The following NHSL1 variants were observed in gnomAD, a reference collection of about 807,000 sequenced individuals.
NHSL1 encodes the protein NHS like 1, also known as NHS-like protein 1.
NHSL1 carries 48 observed loss-of-function variants against 95.0 expected under a neutral mutation model. That is an observed-to-expected ratio of 0.51 (90% CI 0.40 to 0.64). The LOEUF (loss-of-function observed/expected upper bound fraction) is 0.64, where lower values mean the gene tolerates loss of function less well. NHSL1 is among the 30% of genes least tolerant of loss of function. NHSL1 has a pLI of 0.00. For synonymous variants in NHSL1, 783 were observed against 833.9 expected, an observed-to-expected ratio of 0.94 and a Z score of 1.05; for missense variants, 1,971 against 2,077.7, an observed-to-expected ratio of 0.95 and a Z score of 1.00.
chr6:138,466,456 C>T (rs998835154), intron 3 of NHSL1, among the ~76,000 whole-genome samples: 4 of 152,182 alleles, frequency 2.6e-5, no homozygotes, highest in African/African-American at 7.2e-5. Flanking sequence ...TCCAGAAATG[C>T]TCATTCTTTC....
At chr6:138,452,127 C>G (rs564539182) in intron 3 of NHSL1, among the ~76,000 whole-genome samples, 25 of 152,296 alleles carry the variant, frequency 1.6e-4, no homozygotes, top group Admixed American at 4.6e-4. Context: ...CACCAATACC[C>G]CATATCCTGG....
At chr6:138,557,620 T>C (rs1214194696) in intron 1 of NHSL1, among the ~76,000 whole-genome samples, 1 of 152,204 alleles carries the variant, frequency 6.6e-6, no homozygotes, top group Non-Finnish European at 1.5e-5. Context: ...CATCACCAGG[T>C]CCAATGACTA....
intron 1 of NHSL1, among the ~76,000 whole-genome samples, chr6:138,655,868 A>G (rs1785149807): frequency 1.3e-5 from 2 of 152,144 alleles, no homozygotes; most frequent in African/African-American, 4.8e-5. Flanking sequence ...ATTACTCTCT[A>G]GGGCAGCCGT....
intron 1 of NHSL1, among the ~76,000 whole-genome samples, chr6:138,586,871 G>T (rs1458367462): frequency 6.6e-6 from 1 of 151,876 alleles, no homozygotes; most frequent in African/African-American, 2.4e-5. Context: ...CTGCATCAGT[G>T]CTTTCATTCT....
chr6:138,463,976 C>T (rs578177382), intron 3 of NHSL1: 1 of 244,376 alleles, frequency 4.1e-6, no homozygotes, highest in East Asian at 9.2e-5. Context: ...ACAGAAGTGG[C>T]TTTGGTTCAC....
chr6:138,451,625 T>C (rs1018241280), intron 3 of NHSL1, among the ~76,000 whole-genome samples: 20 of 152,336 alleles, frequency 1.3e-4, no homozygotes, highest in Middle Eastern at 3.4e-3. Flanking sequence ...ATAGAACTTA[T>C]CTCACTTAAT....
chr6:138,639,909 G>A (rs1583462017), intron 1 of NHSL1, among the ~76,000 whole-genome samples: 1 of 118,418 alleles, frequency 8.4e-6, no homozygotes, highest in Non-Finnish European at 1.7e-5. Flanking sequence ...TTTACAAAAT[G>A]CAGCTTTTCT....
In NHSL1 at chr6:138,430,878, C is replaced by T. The variant is rs546542243; in HGVS notation, c.3467G>A (p.Arg1156His). The change falls in exon 6 of 8, where the codon CGT (arginine) becomes CAT (histidine). Residue 1156 changes from arginine to histidine, a missense_variant. Physicochemically the swap from Arg to His is conservative, Grantham distance 29. Transcript: ENST00000343505. The surrounding 1 kb of genome is among the most constrained non-coding windows in gnomAD (Gnocchi z 4.7). ...SQGDHGSAAE[R>H]GGPVSRSPGA... Reference sequence around the variant, plus strand: ...AGGGCTGCGGCTCACAGGGCCACCACGCTCAGCCGCACTGCCATGGTCACC... The same window carrying T: ...AGGGCTGCGGCTCACAGGGCCACCATGCTCAGCCGCACTGCCATGGTCACC... The T allele has an allele frequency of 1.9e-5, 29 of 1,551,310 alleles. No individual in the cohort carries two copies. The African/African-American group carries it at 2.7e-4, about 15-fold the overall frequency.
intron 3 of NHSL1, among the ~76,000 whole-genome samples, chr6:138,456,731 G>A (rs935426190): frequency 6.6e-6 from 1 of 152,082 alleles, no homozygotes; most frequent in Non-Finnish European, 1.5e-5. Flanking sequence ...ACTGATAACT[G>A]ACCTGCCTTC....
chr6:138,667,932 G>A (rs936769594), intron 1 of NHSL1, among the ~76,000 whole-genome samples: 13 of 152,180 alleles, frequency 8.5e-5, no homozygotes, highest in Non-Finnish European at 1.0e-4. Flanking sequence ...TCATAGCTCT[G>A]TAATTTTATA....
chr6:138,543,901 T>C (rs1225187092), intron 1 of NHSL1, among the ~76,000 whole-genome samples: 1 of 152,218 alleles, frequency 6.6e-6, no homozygotes, highest in Non-Finnish European at 1.5e-5. Flanking sequence ...CGATTGTGGA[T>C]TCCTGATTAG....
chr6:138,670,369 G>GT (rs1412048828), intron 1 of NHSL1, among the ~76,000 whole-genome samples: 2 of 139,754 alleles, frequency 1.4e-5, no homozygotes, highest in South Asian at 2.4e-4. Context: ...ACCGTTGAAG[G>GT]TAAAAAAAAA....
At chr6:138,488,431 A>T (rs1211413841) in intron 2 of NHSL1, among the ~76,000 whole-genome samples, 1 of 152,190 alleles carries the variant, frequency 6.6e-6, no homozygotes, top group Non-Finnish European at 1.5e-5. Context: ...ATTAATTTCA[A>T]ATGTTTATCT....
intron 2 of NHSL1, among the ~76,000 whole-genome samples, chr6:138,485,253 G>C (rs1779654426): frequency 6.6e-6 from 1 of 152,260 alleles, no homozygotes; most frequent in Non-Finnish European, 1.5e-5. Flanking sequence ...GCTGCCCTGA[G>C]TGAAATATAG....
intron 3 of NHSL1, among the ~76,000 whole-genome samples, chr6:138,461,662 A>C (rs1778006239): frequency 6.6e-6 from 1 of 152,138 alleles, no homozygotes; most frequent in Non-Finnish European, 1.5e-5. Context: ...GTTTGTTTGG[A>C]GGGGCTTCAA....
chr6:138,627,314 T>C (rs188201887), intron 1 of NHSL1, among the ~76,000 whole-genome samples: 7 of 152,276 alleles, frequency 4.6e-5, no homozygotes, highest in Admixed American at 1.3e-4. Context: ...ACACAAAAAG[T>C]TTTTTTATAT....
At chr6:138,474,369 C>T (rs555472780) in intron 2 of NHSL1, among the ~76,000 whole-genome samples, 1 of 152,288 alleles carries the variant, frequency 6.6e-6, no homozygotes, top group South Asian at 2.1e-4. Context: ...ACTAGGGCAT[C>T]TTCAGAGTTC....
chr6:138,657,433 G>T (rs909695469), intron 1 of NHSL1, among the ~76,000 whole-genome samples: 1 of 152,214 alleles, frequency 6.6e-6, no homozygotes, highest in Non-Finnish European at 1.5e-5. Context: ...TTGTCTGTAT[G>T]AAACATTTCT....
intron 1 of NHSL1, among the ~76,000 whole-genome samples, chr6:138,554,234 G>GGTCCTTTCACGTTGTGTATTT (rs1783113562): frequency 6.6e-6 from 1 of 152,156 alleles, no homozygotes; most frequent in Non-Finnish European, 1.5e-5. Context: ...TACAACAGTA[G>GGTCCTTTCACGTTGTGTATTT]GTCCTTTCAC....
Sources: gnomAD v4.1 joint callset for allele counts (sites outside exome capture counted in the v4.1 genomes callset) on GRCh38, gnomAD v4.1.1 for gene constraint, Gnocchi (gnomAD v3.1) non-coding constraint, MANE v1.5 for transcripts, NCBI Gene and HGNC (gene_info 2026-07-23, HGNC 2026-07-21) for gene names.